ULK4: variants seen among roughly 807,000 people sequenced by gnomAD.
The protein encoded by ULK4 is inactive serine/threonine-protein kinase ULK4.
In ULK4, 133 loss-of-function variants were observed where a neutral mutation model predicts 160.6. That is an observed-to-expected ratio of 0.83 (90% CI 0.72 to 0.96). ULK4 has a LOEUF of 0.96. ULK4 is among the 40% of genes least tolerant of loss of function. The pLI is 0.00. For synonymous variants in ULK4, 534 were observed against 539.8 expected, an observed-to-expected ratio of 0.99 and a Z score of 0.15; for missense variants, 1,580 against 1,499.5, an observed-to-expected ratio of 1.05 and a Z score of -0.89.
chr3:41,905,288 T>C (rs1167637616), intron 12 of ULK4, among the ~76,000 whole-genome samples: 1 of 26,724 alleles, frequency 3.7e-5, no homozygotes, highest in Non-Finnish European at 1.5e-4. Context: ...TGCAAAACAA[T>C]GAAGCTATAC....
At chr3:41,932,107 A>C in intron 4 of ULK4, 101 bp from the exon 5 acceptor site, 1 of 996,270 alleles carries the variant, frequency 1.0e-6, no homozygotes, top group Non-Finnish European at 1.4e-6. Flanking sequence ...CAGCATTGCT[A>C]TTCTTTATCA....
At chr3:41,940,331 T>C (rs577115907) in intron 2 of ULK4, among the ~76,000 whole-genome samples, 1 of 152,242 alleles carries the variant, frequency 6.6e-6, no homozygotes, top group South Asian at 2.1e-4. Context: ...AGCTCCCACC[T>C]CCTTGGCTGC....
chr3:41,574,087 C>CAGG (rs5848604), intron 31 of ULK4, among the ~76,000 whole-genome samples: 136,574 of 151,888 alleles, frequency 0.9, 61,910 homozygotes, highest in Middle Eastern at 0.97. Context: ...GAGGCTGAGG[C>CAGG]AGAATTGCTT....
intron 8 of ULK4, 76 bp downstream of exon 8, chr3:41,915,901 C>A: frequency 1.0e-6 from 1 of 954,356 alleles, no homozygotes; most frequent in South Asian, 1.5e-5. Context: ...TTATTTATTC[C>A]CATTAAAATA....
At chr3:41,590,025 CAG>C (rs1333255492) in intron 31 of ULK4, among the ~76,000 whole-genome samples, 1 of 151,140 alleles carries the variant, frequency 6.6e-6, no homozygotes, top group African/African-American at 2.4e-5. Flanking sequence ...TTTTTTAAGA[CAG>C]AGTTTCTCTC....
At chr3:41,822,654 G>C (rs1244533311) in intron 18 of ULK4, among the ~76,000 whole-genome samples, 1 of 150,458 alleles carries the variant, frequency 6.6e-6, no homozygotes, top group African/African-American at 2.5e-5. Flanking sequence ...CCTGAGCTCA[G>C]GTGATCCACC....
At position 41,941,303 on chromosome 3, in the gene ULK4, G is replaced by T. The variant is rs1191805046; in HGVS notation, c.139-3106C>A. ...TCCTCCCACCTCAGCCTCCCAAAGTGCTGGGATTACAGGCATGAGTCACTG... is the reference window on the plus strand; with the variant it reads ...TCCTCCCACCTCAGCCTCCCAAAGTTCTGGGATTACAGGCATGAGTCACTG... On this transcript the variant is annotated intron_variant, in intron 2 of 36. Transcript: ENST00000301831. 4.1e-5 allele frequency among the ~76,000 whole-genome samples: 6 copies of T among 146,008 alleles called. No homozygotes were observed. In the South Asian group the frequency reaches 1.3e-3, roughly 32 times the overall value.
At chr3:41,819,567 T>C (rs1230970338) in intron 18 of ULK4, 61 bp from the exon 19 acceptor site, 6 of 1,441,400 alleles carry the variant, frequency 4.2e-6, no homozygotes, top group Non-Finnish European at 5.8e-6. Flanking sequence ...TATTAACCCA[T>C]TCAAGCAAAT....
At chr3:41,662,717 C>A (rs961116556) in intron 30 of ULK4, among the ~76,000 whole-genome samples, 1 of 152,134 alleles carries the variant, frequency 6.6e-6, no homozygotes, top group Admixed American at 6.5e-5. Flanking sequence ...CAGATACCAC[C>A]TGTACAAGAA....
intron 35 of ULK4, among the ~76,000 whole-genome samples, chr3:41,369,267 G>A (rs1252183218): frequency 2.0e-5 from 3 of 152,180 alleles, no homozygotes; most frequent in Admixed American, 1.3e-4. Flanking sequence ...GGCCGAGGCA[G>A]GCAGCTTGCT....
At chr3:41,732,277 GAA>G (rs555595006) in intron 22 of ULK4, among the ~76,000 whole-genome samples, 1,759 of 150,010 alleles carry the variant, frequency 0.012, 36 homozygotes, top group African/African-American at 0.04. Flanking sequence ...AATAGCAAAA[GAA>G]AAAAAAATCT....
chr3:41,318,138 T>TC, intron 35 of ULK4, among the ~76,000 whole-genome samples: 1 of 146,860 alleles, frequency 6.8e-6, no homozygotes, highest in Middle Eastern at 3.2e-3. Context: ...AAATTATAGT[T>TC]AAAAAAAAAT....
At chr3:41,860,961 C>A (rs1485344424) in intron 17 of ULK4, among the ~76,000 whole-genome samples, 1 of 151,984 alleles carries the variant, frequency 6.6e-6, no homozygotes, top group East Asian at 1.9e-4. Context: ...TATCTTATAA[C>A]CCATTATTTT....
At position 41,797,689 on chromosome 3, in the gene ULK4, A is replaced by G. The variant is rs566448393; in HGVS notation, c.2010+2443T>C. 3.9e-4 allele frequency among the ~76,000 whole-genome samples: 59 copies of G among 152,090 alleles called. 1 individual carries two copies. Among genetic ancestry groups the G allele is most frequent in the African/African-American group, 1.3e-3 (54 of 41,500 alleles). On this transcript the variant is annotated intron_variant, in intron 20 of 36. Transcript: ENST00000301831. ...AGCCTGGCCAACATGGTGAAACCAC[A>G]TCTCTACTAAAAAATACAAAAATCA...
chr3:41,584,357 G>A (rs555605860), intron 31 of ULK4, among the ~76,000 whole-genome samples: 2 of 151,990 alleles, frequency 1.3e-5, no homozygotes, highest in African/African-American at 4.8e-5. Context: ...GGTGGTGTGC[G>A]CTCAGCTCTC....
intron 35 of ULK4, among the ~76,000 whole-genome samples, chr3:41,312,509 T>C (rs1434127872): frequency 6.6e-6 from 1 of 152,048 alleles, no homozygotes; most frequent in East Asian, 1.9e-4. Flanking sequence ...ACATCAAAAC[T>C]TGTGGGCCAG....
At chr3:41,301,231 G>A (rs2079789711) in intron 35 of ULK4, among the ~76,000 whole-genome samples, 1 of 151,422 alleles carries the variant, frequency 6.6e-6, no homozygotes, top group Admixed American at 6.6e-5. Flanking sequence ...GGATGGTGCT[G>A]TTGATACAGA....
chr3:41,737,782 T>C (rs144840382), intron 22 of ULK4, among the ~76,000 whole-genome samples: 1 of 152,116 alleles, frequency 6.6e-6, no homozygotes, highest in East Asian at 1.9e-4. Flanking sequence ...AAAGCTATTA[T>C]CTCTCAGCTT....
chr3:41,623,932 C>T (rs1361139509), intron 30 of ULK4, among the ~76,000 whole-genome samples: 1 of 151,994 alleles, frequency 6.6e-6, no homozygotes, highest in Non-Finnish European at 1.5e-5. Flanking sequence ...CACTCTATGC[C>T]ACAAATACAC....
Sources: gnomAD v4.1 joint callset for allele counts (sites outside exome capture counted in the v4.1 genomes callset) on GRCh38, gnomAD v4.1.1 for gene constraint, MANE v1.5 for transcripts, NCBI Gene and HGNC (gene_info 2026-07-23, HGNC 2026-07-21) for gene names.